CNTN5: variants seen among roughly 807,000 people sequenced by gnomAD.
CNTN5 encodes contactin-5.
Under a neutral mutation model 129.1 loss-of-function variants are expected in CNTN5, and 77 were observed. That is an observed-to-expected ratio of 0.60 (90% CI 0.50 to 0.72). CNTN5 has a LOEUF of 0.72. Ranked by LOEUF, CNTN5 falls within the 30% of genes least tolerant of loss-of-function variation. The pLI, the probability that CNTN5 is intolerant of heterozygous loss-of-function variation, is 0.00. For synonymous variants in CNTN5, 509 were observed against 465.6 expected, an observed-to-expected ratio of 1.09 and a Z score of -1.20; for missense variants, 1,478 against 1,328.8, an observed-to-expected ratio of 1.11 and a Z score of -1.75.
chr11:99,424,076 A>G (rs1217301596), intron 2 of CNTN5, among the ~76,000 whole-genome samples: 1 of 152,182 alleles, frequency 6.6e-6, no homozygotes. Flanking sequence ...ATACGTACAT[A>G]CATACATACA....
At chr11:99,278,588 A>G (rs926788423) in intron 1 of CNTN5, among the ~76,000 whole-genome samples, 9 of 151,686 alleles carry the variant, frequency 5.9e-5, no homozygotes, top group African/African-American at 2.2e-4. Context: ...TGAATGCCTG[A>G]TCTTTCATAG....
intron 3 of CNTN5, among the ~76,000 whole-genome samples, chr11:99,682,232 T>G (rs1415808102): frequency 6.6e-6 from 1 of 151,966 alleles, no homozygotes; most frequent in African/African-American, 2.4e-5. Context: ...GGGGTGAGGA[T>G]ATGAGTGGGT....
intron 2 of CNTN5, among the ~76,000 whole-genome samples, chr11:99,550,320 C>T (rs763648344): frequency 6.6e-6 from 1 of 152,142 alleles, no homozygotes; most frequent in Non-Finnish European, 1.5e-5. Context: ...AATAAGGAGA[C>T]ACATTCTTCT....
chr11:99,517,463 A>G (rs1947101487), intron 2 of CNTN5, among the ~76,000 whole-genome samples: 1 of 152,074 alleles, frequency 6.6e-6, no homozygotes, highest in South Asian at 2.1e-4. Flanking sequence ...GGCAAGCTCT[A>G]CAAGACTCTC....
intron 1 of CNTN5, among the ~76,000 whole-genome samples, chr11:99,141,232 G>A (rs1859500100): frequency 1.3e-5 from 2 of 151,886 alleles, no homozygotes; most frequent in African/African-American, 4.8e-5. Flanking sequence ...GGGAAGTTAT[G>A]TATTTTCAGG....
At chr11:100,117,067 A>T (rs1048767275) in intron 13 of CNTN5, among the ~76,000 whole-genome samples, 3 of 151,980 alleles carry the variant, frequency 2.0e-5, no homozygotes, top group Admixed American at 1.3e-4. Context: ...GTATTCAGTT[A>T]AAAAATAAAA....
intron 9 of CNTN5, among the ~76,000 whole-genome samples, chr11:100,048,640 T>C (rs1181400079): frequency 1.3e-5 from 2 of 151,962 alleles, no homozygotes; most frequent in African/African-American, 4.8e-5. Flanking sequence ...AATTTGAACA[T>C]AGAGCATTAC....
chr11:99,757,926 GTTA>G (rs1351321443), intron 3 of CNTN5, among the ~76,000 whole-genome samples: 5 of 151,972 alleles, frequency 3.3e-5, no homozygotes, highest in African/African-American at 7.2e-5. Context: ...AATAGTAACT[GTTA>G]TTATTTTATG....
rs1866756797 is a variant in CNTN5, at chr11:99,101,962, G to T, written c.-210+80692G>T. Reference sequence around the variant, plus strand: ...GGTTCTCCATGAGGGCCTCACCCCTGCCTCTAACTTCTGCCAGGACATCCA... The same window carrying T: ...GGTTCTCCATGAGGGCCTCACCCCTTCCTCTAACTTCTGCCAGGACATCCA... On this transcript the variant is annotated intron_variant, in intron 1 of 24. Coordinates refer to ENST00000524871, the MANE Select transcript of CNTN5 (RefSeq NM_014361.4). 2.0e-5 allele frequency among the ~76,000 whole-genome samples: 3 copies of T among 152,140 alleles called. No homozygotes were observed. In the South Asian group the frequency reaches 6.2e-4, roughly 31 times the overall value.
At chr11:100,195,486 T>G (rs185119752) in intron 15 of CNTN5, among the ~76,000 whole-genome samples, 2 of 151,948 alleles carry the variant, frequency 1.3e-5, no homozygotes, top group African/African-American at 4.8e-5. Context: ...ATATATGCTT[T>G]CCTTGCCCCA....
At chr11:99,787,344 T>C (rs1422195972) in intron 3 of CNTN5, among the ~76,000 whole-genome samples, 1 of 151,684 alleles carries the variant, frequency 6.6e-6, no homozygotes, top group Non-Finnish European at 1.5e-5. Flanking sequence ...TTAGGACCTG[T>C]TCAACTCTTA....
chr11:100,017,478 G>C (rs1447255352), intron 9 of CNTN5, among the ~76,000 whole-genome samples: 1 of 151,950 alleles, frequency 6.6e-6, no homozygotes, highest in African/African-American at 2.4e-5. Context: ...GTAGTGGTGT[G>C]TCTTACAGTC....
intron 1 of CNTN5, among the ~76,000 whole-genome samples, chr11:99,053,883 GT>G (rs1222026252): frequency 6.6e-6 from 1 of 151,866 alleles, no homozygotes; most frequent in Non-Finnish European, 1.5e-5. Flanking sequence ...CTATATTTCT[GT>G]TGGAAACTTC....
intron 15 of CNTN5, among the ~76,000 whole-genome samples, chr11:100,214,504 A>T (rs1013680555): frequency 1.3e-5 from 2 of 152,194 alleles, no homozygotes; most frequent in African/African-American, 2.4e-5. Flanking sequence ...AAGTTCATCC[A>T]TGATGAATAA....
At chr11:99,398,464 T>C (rs1045236697) in intron 2 of CNTN5, among the ~76,000 whole-genome samples, 12 of 151,962 alleles carry the variant, frequency 7.9e-5, no homozygotes, top group African/African-American at 2.7e-4. Flanking sequence ...ATCATTACTG[T>C]ATCATACAGG....
At chr11:99,239,915 C>T (rs530585518) in intron 1 of CNTN5, among the ~76,000 whole-genome samples, 26 of 137,376 alleles carry the variant, frequency 1.9e-4, no homozygotes, top group Non-Finnish European at 3.6e-4. Flanking sequence ...CCAGCCTGGG[C>T]GACAGAGCGA....
chr11:99,053,763 A>C (rs780810551), intron 1 of CNTN5, among the ~76,000 whole-genome samples: 1 of 151,966 alleles, frequency 6.6e-6, no homozygotes, highest in Non-Finnish European at 1.5e-5. Flanking sequence ...AACAAGATAA[A>C]ACCATTAGGC....
chr11:99,193,834 A>G (rs1202581903), intron 1 of CNTN5, among the ~76,000 whole-genome samples: 2 of 152,208 alleles, frequency 1.3e-5, no homozygotes, highest in Non-Finnish European at 2.9e-5. Flanking sequence ...GTAGAAGGTA[A>G]GCTCATCATT....
At chr11:99,755,565 G>T in intron 3 of CNTN5, among the ~76,000 whole-genome samples, 1 of 151,458 alleles carries the variant, frequency 6.6e-6, no homozygotes. Context: ...TTTTTAATTG[G>T]GATTTTTTTT....
Sources: allele counts gnomAD v4.1 joint callset (sites outside exome capture counted in the v4.1 genomes callset), GRCh38; gene constraint gnomAD v4.1.1; transcripts MANE v1.5; gene names NCBI Gene and HGNC (gene_info 2026-07-23, HGNC 2026-07-21).